Variants in UTP3 observed in about 807,000 individuals in gnomAD.
UTP3 encodes UTP3 small subunit processome component.
UTP3 carries 19 observed loss-of-function variants against 37.9 expected under a neutral mutation model. That is an observed-to-expected ratio of 0.50 (90% CI 0.35 to 0.74). The LOEUF (loss-of-function observed/expected upper bound fraction) is 0.74. Ranked by LOEUF, UTP3 falls within the 30% of genes least tolerant of loss-of-function variation. The probability of loss-of-function intolerance (pLI) is 0.01; values close to 1 mark genes in which losing one functional copy is unlikely to be tolerated. For missense variants in UTP3, 504 were observed against 570.7 expected, an observed-to-expected ratio of 0.88 and a Z score of 1.19; for synonymous variants, 242 against 218.5, an observed-to-expected ratio of 1.11 and a Z score of -0.95.
Position 70,689,880 on chromosome 4 carries a change from T to C in UTP3, c.1203T>C (p.Ala401=). ...AAGAAAATAGCACTGAAGAACAGGCTCTTGAAGATCAAAATGCAAAGAGAG... is the reference window on the plus strand; with the variant it reads ...AAGAAAATAGCACTGAAGAACAGGCCCTTGAAGATCAAAATGCAAAGAGAG... ...KKEENSTEEQ[A]LEDQNAKRAI... The change falls in exon 1 of 1, where the codon GCT becomes GCC. Residue 401 remains alanine, a synonymous_variant. Transcript: ENST00000254803. The C allele has an allele frequency of 6.2e-7, 1 of 1,613,968 alleles. No homozygotes were observed. Among genetic ancestry groups the C allele is most frequent in the South Asian group, 1.1e-5 (1 of 91,048 alleles).
rs1213962117 is a variant in UTP3, at chr4:70,690,073, T to G, written c.1396T>G (p.Ser466Ala). 8 of 1,610,728 alleles carry G rather than the reference T, an allele frequency of 5.0e-6. No individual in the cohort carries two copies. The highest frequency in any genetic ancestry group is 5.9e-6 in the Non-Finnish European group (7 of 1,179,244). Reference protein sequence around the residue: ...KEEQRYSGELSGIRAGVKKSI... With the variant: ...KEEQRYSGELAGIRAGVKKSI... The stretch of plus-strand genomic sequence containing the variant: ...AGAGCAACGTTATAGTGGTGAATTA[T>G]CTGGCATTCGTGCAGGAGTTAAAAA... The change falls in exon 1 of 1, where the codon TCT (serine) becomes GCT (alanine). Residue 466 changes from serine to alanine, a missense_variant. Ser to Ala is a moderately conservative substitution (Grantham distance 99). Transcript: ENST00000254803.
Position 70,689,565 on chromosome 4 carries a change from T to C in UTP3, c.888T>C (p.Pro296=), listed in dbSNP as rs1373433206. The C allele has an allele frequency of 6.2e-7, 1 of 1,614,232 alleles. No individual in the cohort carries two copies. Among genetic ancestry groups the C allele is most frequent in the Non-Finnish European group, 8.5e-7 (1 of 1,180,038 alleles). The change falls in exon 1 of 1, where the codon CCT becomes CCC. Residue 296 remains proline (P), a synonymous_variant. Coordinates refer to ENST00000254803, the MANE Select transcript of UTP3 (RefSeq NM_020368.3). ...KARRVPAHGH[P]VIERLVTYRN... The stretch of plus-strand genomic sequence containing the variant: ...GGAGAGTCCCAGCACATGGACATCC[T>C]GTCATAGAAAGGCTTGTTACCTACC...
chr4:70,689,539 A>G lies in UTP3; in HGVS notation c.862A>G (p.Arg288Gly). The G allele has an allele frequency of 6.2e-7, 1 of 1,614,230 alleles. No homozygotes were observed. The highest frequency in any genetic ancestry group is 8.5e-7 in the Non-Finnish European group (1 of 1,180,036). The stretch of plus-strand genomic sequence containing the variant: ...CAGTTTTTATTTGATCCTGAAAGCT[A>G]GGAGAGTCCCAGCACATGGACATCC... The part of the protein sequence containing the change: ...NISFYLILKA[R>G]RVPAHGHPVI... The change falls in exon 1 of 1, where the codon AGG becomes GGG. Residue 288 changes from arginine to glycine, a missense_variant. Physicochemically the swap from Arg to Gly is moderately radical, Grantham distance 125 (BLOSUM62 -2). Coordinates refer to ENST00000254803, the MANE Select transcript of UTP3 (RefSeq NM_020368.3).
At position 70,689,230 on chromosome 4, in the gene UTP3, T is replaced by C; in HGVS notation, c.553T>C (p.Trp185Arg). The change falls in exon 1 of 1, where the codon TGG becomes CGG. Residue 185 changes from tryptophan (W) to arginine (R), a missense_variant. Transcript: ENST00000254803. ...GCAAGAGGATGATTTTGGTGTCGCC[T>C]GGGTTGAGGCCTTTGCAAAACCAGT... The part of the protein sequence containing the change: ...ALQEDDFGVA[W>R]VEAFAKPVPQ... The C allele has an allele frequency of 6.2e-7, 1 of 1,614,126 alleles. No individual in the cohort carries two copies. Among genetic ancestry groups the C allele is most frequent in the Non-Finnish European group, 8.5e-7 (1 of 1,180,012 alleles).
rs1191797666 is a variant in UTP3 at position 70,688,605 on chromosome 4, G to A, written c.-73G>A. On this transcript the variant is annotated 5_prime_UTR_variant, in exon 1 of 1. Transcript: ENST00000254803. The stretch of plus-strand genomic sequence containing the variant: ...CTGTTTAGAGCCACGAGTTACCGGA[G>A]CGCCTGATTCCTGCGCCGAAGTCAG... The A allele has an allele frequency of 6.8e-7, 1 of 1,465,112 alleles. No homozygotes were observed. Among genetic ancestry groups the A allele is most frequent in the Non-Finnish European group, 9.2e-7 (1 of 1,091,222 alleles). 90.8% of individuals were successfully genotyped at this position (1,465,112 alleles called of 1,614,324 possible).
chr4:70,688,802 G>C lies in UTP3; in HGVS notation c.125G>C (p.Ser42Thr). 6.2e-7 allele frequency: 1 copy of C among 1,614,164 alleles called. No individual in the cohort carries two copies. Among genetic ancestry groups the C allele is most frequent in the Non-Finnish European group, 8.5e-7 (1 of 1,180,042 alleles). Residue 42 changes from serine to threonine, a missense_variant, in exon 1 of 1, where the codon AGC becomes ACC. Ser to Thr is a moderately conservative substitution (Grantham distance 58, BLOSUM62 1). Transcript: ENST00000254803. ...TTGCCACCCTCACCAGGGGACACCA[G>C]CTACTACCAAGATCAGGTAGATGAC... ...LGLPPSPGDT[S>T]YYQDQVDDFH...
rs1333405540 is a variant in UTP3, at chr4:70,690,271, T to C, written c.*154T>C. On this transcript the variant is annotated 3_prime_UTR_variant, in exon 1 of 1. Coordinates refer to ENST00000254803, the MANE Select transcript of UTP3 (RefSeq NM_020368.3). Reference sequence around the variant, plus strand: ...GTTATTGGACAATTTATAAGAACTATGGGAGCAATATGAAGGTGCTTGAGA... The same window carrying C: ...GTTATTGGACAATTTATAAGAACTACGGGAGCAATATGAAGGTGCTTGAGA... 1 of 779,068 alleles carries C rather than the reference T, an allele frequency of 1.3e-6. No individual in the cohort carries two copies. Among genetic ancestry groups the C allele is most frequent in the Non-Finnish European group, 1.8e-6 (1 of 546,600 alleles). The allele number at this position is 779,068 out of a possible 1,614,324, so 48.3% of individuals were successfully genotyped here. A position where few individuals can be genotyped will look rare whatever the true frequency, so the allele number is the denominator to read the frequency against.
Position 70,688,619 on chromosome 4 carries a change from C to A in UTP3, c.-59C>A. 6.6e-7 allele frequency: 1 copy of A among 1,517,456 alleles called. No individual in the cohort carries two copies. Among genetic ancestry groups the A allele is most frequent in the Non-Finnish European group, 8.9e-7 (1 of 1,128,424 alleles). 94.0% of individuals were successfully genotyped at this position (1,517,456 alleles called of 1,614,324 possible). A position where few individuals can be genotyped will look rare whatever the true frequency, so the allele number is the denominator to read the frequency against. On this transcript the variant is annotated 5_prime_UTR_variant, in exon 1 of 1. Transcript: ENST00000254803. ...GAGTTACCGGAGCGCCTGATTCCTG[C>A]GCCGAAGTCAGTGGTGGCCGAAAGT...
chr4:70,689,413 C>T lies in UTP3; in HGVS notation c.736C>T (p.Pro246Ser). The change falls in exon 1 of 1, where the codon CCA becomes TCA. Residue 246 changes from proline (P) to serine (S), a missense_variant. Pro to Ser is a moderately conservative substitution (Grantham distance 74). Coordinates refer to ENST00000254803, the MANE Select transcript of UTP3 (RefSeq NM_020368.3). ...KLTEVKDELE[P>S]LLELVEQGII... ...GACAGAGGTTAAGGATGAGCTGGAG[C>T]CATTGTTAGAGTTGGTGGAACAAGG... is the stretch of plus-strand genomic sequence containing the variant. The T allele has an allele frequency of 1.2e-6, 2 of 1,614,066 alleles. No individual in the cohort carries two copies. Among genetic ancestry groups the T allele is most frequent in the Non-Finnish European group, 1.7e-6 (2 of 1,180,026 alleles).
rs747162980 is a variant in UTP3, at chr4:70,689,127, T to C, written c.450T>C (p.Ser150=). The change falls in exon 1 of 1, where the codon AGT becomes AGC. Residue 150 remains serine (S), a synonymous_variant. Transcript: ENST00000254803. The stretch of plus-strand genomic sequence containing the variant: ...GTTCCAAGTCCCGAGGCCGGCAGAG[T>C]CAACAGGAGGCAGAGGAGGAGGAAA... ...DYGSKSRGRQ[S]QQEAEEEERE... The C allele has an allele frequency of 6.2e-7, 1 of 1,610,514 alleles. No individual in the cohort carries two copies. The highest frequency in any genetic ancestry group is 2.2e-5 in the East Asian group (1 of 44,752).
chr4:70,689,424 G>A lies in UTP3; in HGVS notation c.747G>A (p.Glu249=), dbSNP rs1345982618. Residue 249 remains glutamate, a synonymous_variant, in exon 1 of 1, where the codon GAG becomes GAA. Transcript: ENST00000254803. ...EVKDELEPLL[E]LVEQGIIPPG... ...AGGATGAGCTGGAGCCATTGTTAGA[G>A]TTGGTGGAACAAGGGATCATTCCAC... 1.2e-6 allele frequency: 2 copies of A among 1,614,210 alleles called. No individual in the cohort carries two copies. The highest frequency in any genetic ancestry group is 1.7e-5 in the Admixed American group (1 of 60,028).
In UTP3 at chr4:70,689,091, C is replaced by G. The variant is rs553208104; in HGVS notation, c.414C>G (p.Asp138Glu). 6.2e-7 allele frequency: 1 copy of G among 1,610,070 alleles called. No individual in the cohort carries two copies. The highest frequency in any genetic ancestry group is 1.1e-5 in the South Asian group (1 of 90,508). The stretch of plus-strand genomic sequence containing the variant: ...GTCAGAGGAAAAAACTTTACTATGA[C>G]ACGGACTATGGTTCCAAGTCCCGAG... ...SWGQRKKLYY[D>E]TDYGSKSRGR... The change falls in exon 1 of 1, where the codon GAC (aspartate) becomes GAG (glutamate). Residue 138 changes from aspartate (D) to glutamate (E), a missense_variant. Coordinates refer to ENST00000254803, the MANE Select transcript of UTP3 (RefSeq NM_020368.3).
chr4:70,689,073 G>GA lies in UTP3; in HGVS notation c.402dup (p.Leu135ThrfsTer4), dbSNP rs775352205. On this transcript the variant is annotated frameshift_variant, in exon 1 of 1. Coordinates refer to ENST00000254803, the MANE Select transcript of UTP3 (RefSeq NM_020368.3). LOFTEE classifies it high-confidence loss of function. The stretch of plus-strand genomic sequence containing the variant: ...ATCCCAGTTTGTCGTGGGGTCAGAG[G>GA]AAAAAACTTTACTATGACACGGACT... 4 of 1,603,466 alleles carry GA rather than the reference G, an allele frequency of 2.5e-6. No individual in the cohort carries two copies. The highest frequency in any genetic ancestry group is 1.7e-5 in the Admixed American group (1 of 58,916).
At position 70,689,954 on chromosome 4, in the gene UTP3, A is replaced by G. The variant is rs1486963468; in HGVS notation, c.1277A>G (p.Lys426Arg). 1.2e-6 allele frequency: 2 copies of G among 1,614,140 alleles called. No individual in the cohort carries two copies. Among genetic ancestry groups the G allele is most frequent in the Admixed American group, 1.7e-5 (1 of 60,000 alleles). The change falls in exon 1 of 1, where the codon AAG becomes AGG. Residue 426 changes from lysine (K) to arginine (R), a missense_variant. Physicochemically the swap from Lys to Arg is conservative, Grantham distance 26. Coordinates refer to ENST00000254803, the MANE Select transcript of UTP3 (RefSeq NM_020368.3). ...AATAGGGGACTTACTCCTAGGAGAA[A>G]GAAGATTGATCGCAATCCCAGAGTG... ...AKNRGLTPRRKKIDRNPRVKH... is the reference protein window; with the variant it reads ...AKNRGLTPRRRKIDRNPRVKH...
In UTP3 at chr4:70,689,750, C is replaced by T. The variant is rs745424667; in HGVS notation, c.1073C>T (p.Ala358Val). 6.2e-7 allele frequency: 1 copy of T among 1,614,166 alleles called. No individual in the cohort carries two copies. Among genetic ancestry groups the T allele is most frequent in the East Asian group, 2.2e-5 (1 of 44,888 alleles). The change falls in exon 1 of 1, where the codon GCC becomes GTC. Residue 358 changes from alanine (A) to valine (V), a missense_variant. Transcript: ENST00000254803. ...TCTGTTTCAAAGACTTCTGCTGCTG[C>T]CTGTGCTGTTACAGATCTTTCTGAT... is the stretch of plus-strand genomic sequence containing the variant. ...PKSVSKTSAA[A>V]CAVTDLSDDS...
chr4:70,689,971 C>G lies in UTP3; in HGVS notation c.1294C>G (p.Pro432Ala). The G allele has an allele frequency of 6.2e-7, 1 of 1,614,036 alleles. No homozygotes were observed. The highest frequency in any genetic ancestry group is 8.5e-7 in the Non-Finnish European group (1 of 1,179,998). The stretch of plus-strand genomic sequence containing the variant: ...TAGGAGAAAGAAGATTGATCGCAAT[C>G]CCAGAGTGAAACACAGAGAGAAGTT... ...TPRRKKIDRNPRVKHREKFRR... is the reference protein window; with the variant it reads ...TPRRKKIDRNARVKHREKFRR... The change falls in exon 1 of 1, where the codon CCC becomes GCC. Residue 432 changes from proline to alanine, a missense_variant. By Grantham distance (27) the Pro-to-Ala change is conservative. Transcript: ENST00000254803.
chr4:70,690,037 G>C lies in UTP3; in HGVS notation c.1360G>C (p.Val454Leu). 1.2e-6 allele frequency: 2 copies of C among 1,614,110 alleles called. No homozygotes were observed. Among genetic ancestry groups the C allele is most frequent in the Non-Finnish European group, 1.7e-6 (2 of 1,180,024 alleles). The change falls in exon 1 of 1, where the codon GTT (valine) becomes CTT (leucine). Residue 454 changes from valine (V) to leucine (L), a missense_variant. Transcript: ENST00000254803. Reference sequence around the variant, plus strand: ...TAGAAGAAGAGGCCAGGTTCGTGAAGTTCGTAAAGAAGAGCAACGTTATAG... The same window carrying C: ...TAGAAGAAGAGGCCAGGTTCGTGAACTTCGTAAAGAAGAGCAACGTTATAG... ...KIRRRGQVRE[V>L]RKEEQRYSGE... is the part of the protein sequence containing the mutation.
At position 70,689,077 on chromosome 4, in the gene UTP3, AAACTT is replaced by A; in HGVS notation, c.401_405del (p.Lys134IlefsTer3). On this transcript the variant is annotated frameshift_variant, in exon 1 of 1. Transcript: ENST00000254803. LOFTEE classifies it high-confidence loss of function. Reference sequence around the variant, plus strand: ...CAGTTTGTCGTGGGGTCAGAGGAAAAAACTTTACTATGACACGGACTATGGTTCCA... The same window carrying A: ...CAGTTTGTCGTGGGGTCAGAGGAAAATACTATGACACGGACTATGGTTCCA... 1 of 1,605,482 alleles carries A rather than the reference AAACTT, an allele frequency of 6.2e-7. No homozygotes were observed.
In UTP3 at chr4:70,690,253, G is replaced by A. The variant is rs1739592861; in HGVS notation, c.*136G>A. Reference sequence around the variant, plus strand: ...ACAAGGAAATTTGTCTGGGTTATTGGACAATTTATAAGAACTATGGGAGCA... The same window carrying A: ...ACAAGGAAATTTGTCTGGGTTATTGAACAATTTATAAGAACTATGGGAGCA... On this transcript the variant is annotated 3_prime_UTR_variant, in exon 1 of 1. Transcript: ENST00000254803. The A allele has an allele frequency of 1.0e-6, 1 of 964,522 alleles. No homozygotes were observed. Among genetic ancestry groups the A allele is most frequent in the African/African-American group, 1.7e-5 (1 of 59,218 alleles). The allele number at this position is 964,522 out of a possible 1,614,324, so 59.7% of individuals were successfully genotyped here. A position where few individuals can be genotyped will look rare whatever the true frequency, so the allele number is the denominator to read the frequency against.
Sources: gnomAD v4.1 joint callset for allele counts on GRCh38, gnomAD v4.1.1 for gene constraint, MANE v1.5 for transcripts, NCBI Gene and HGNC (gene_info 2026-07-23, HGNC 2026-07-21) for gene names.